The following POLR3E variants were observed in gnomAD, a reference collection of about 807,000 sequenced individuals.
POLR3E encodes DNA-directed RNA polymerase III subunit RPC5.
In POLR3E, 41 loss-of-function variants were observed where a neutral mutation model predicts 96.6. The ratio of observed to expected loss-of-function variants is 0.42; its 90% CI spans 0.33 to 0.55. The LOEUF is 0.55. Among genes scored for constraint, POLR3E ranks in the 20% least tolerant of loss-of-function variants. The probability of loss-of-function intolerance (pLI) is 0.06; values close to 1 mark genes in which losing one functional copy is unlikely to be tolerated. For missense variants in POLR3E, 849 were observed against 952.1 expected (o/e 0.89, Z 1.43); for synonymous variants, 396 against 383.6 (o/e 1.03, Z -0.38).
At position 22,315,069 on chromosome 16, in the gene POLR3E, TCTTCCCCTTCCCACCGCAGGTG is replaced by T; in HGVS notation, c.523-18_526del. ...GGGTCACAGGCCTGACGGTATGACCTCTTCCCCTTCCCACCGCAGGTGCGGTTCTCCCGGCCGGAGTCAGAGC... is the reference window on the plus strand; with the variant it reads ...GGGTCACAGGCCTGACGGTATGACCTCGGTTCTCCCGGCCGGAGTCAGAGC... On this transcript the variant is annotated splice_acceptor_variant and splice_polypyrimidine_tract_variant and coding_sequence_variant and intron_variant, in exon 9 of 21. Transcript: ENST00000299853. LOFTEE classifies it high-confidence loss of function. 6.2e-7 allele frequency: 1 copy of T among 1,612,028 alleles called. No homozygotes were observed. Among genetic ancestry groups the T allele is most frequent in the Non-Finnish European group, 8.5e-7 (1 of 1,179,564 alleles).
intron 19 of POLR3E, 76 bp downstream of exon 19, chr16:22,328,663 G>A (rs2048664724): frequency 2.5e-6 from 3 of 1,186,658 alleles, no homozygotes; most frequent in Admixed American, 1.7e-5. Context: ...TGGGGGACAT[G>A]TGCACCCAAA....
chr16:22,328,919 A>C (rs2048671789), intron 19 of POLR3E: 1 of 314,028 alleles, frequency 3.2e-6, no homozygotes, highest in African/African-American at 2.2e-5. Context: ...TGAGGTTGGG[A>C]GTTTGACACC....
intron 1 of POLR3E, among the ~76,000 whole-genome samples, chr16:22,300,447 G>A (rs1020607302): frequency 3.3e-5 from 5 of 152,218 alleles, no homozygotes; most frequent in Non-Finnish European, 5.9e-5. Flanking sequence ...GGGCACCTCA[G>A]CCTCCCTGAT....
chr16:22,326,437 A>C, intron 18 of POLR3E, 159 bp downstream of exon 18: 2 of 671,616 alleles, frequency 3.0e-6, no homozygotes, highest in East Asian at 5.4e-5. Context: ...CTGAGGCTCT[A>C]TTCTCATGAA....
chr16:22,332,036 C>T, intron 19 of POLR3E, 24 bp from the exon 20 acceptor site: 1 of 1,610,636 alleles, frequency 6.2e-7, no homozygotes, highest in Non-Finnish European at 8.5e-7. Context: ...TGTTTCCCAT[C>T]ATAACGTGTT....
intron 14 of POLR3E, 97 bp downstream of exon 14, chr16:22,323,028 A>G (rs1598267479): frequency 1.3e-6 from 1 of 780,018 alleles, no homozygotes; most frequent in Non-Finnish European, 2.2e-6. Flanking sequence ...CAGAGGCTCC[A>G]GGTGGAGGCG....
At chr16:22,302,188 C>T (rs1445137555) in intron 1 of POLR3E, among the ~76,000 whole-genome samples, 1 of 152,114 alleles carries the variant, frequency 6.6e-6, no homozygotes, top group African/African-American at 2.4e-5. Flanking sequence ...TGCCTCCTCC[C>T]CAGCAGAAAG....
intron 12 of POLR3E, 22 bp downstream of exon 12, chr16:22,317,228 A>C (rs1378509237): frequency 1.9e-6 from 3 of 1,581,994 alleles, no homozygotes; most frequent in Non-Finnish European, 2.6e-6. Flanking sequence ...CCCCCTGCCC[A>C]CCCGGGGGCC....
chr16:22,304,939 C>G (rs1253153512), intron 2 of POLR3E, among the ~76,000 whole-genome samples: 1 of 152,144 alleles, frequency 6.6e-6, no homozygotes, highest in Non-Finnish European at 1.5e-5. Flanking sequence ...TGAACTCTTG[C>G]CCTGGTTCCC....
At chr16:22,316,741 G>T in intron 10 of POLR3E, 55 bp downstream of exon 10, 2 of 1,389,396 alleles carry the variant, frequency 1.4e-6, no homozygotes, top group Admixed American at 1.7e-5. Flanking sequence ...GTCCCCAGGG[G>T]TCCTTGGTGT....
At chr16:22,315,067 C>T in intron 8 of POLR3E, 22 bp from the exon 9 acceptor site, 4 of 1,611,606 alleles carry the variant, frequency 2.5e-6, no homozygotes, top group Non-Finnish European at 3.4e-6. Context: ...GACGGTATGA[C>T]CTCTTCCCCT....
intron 1 of POLR3E, chr16:22,298,928 A>G (rs2047963856): frequency 2.2e-6 from 1 of 455,120 alleles, no homozygotes; most frequent in Non-Finnish European, 4.4e-6. Flanking sequence ...TGATGAAGTA[A>G]AGTATGATTG....
At chr16:22,329,290 G>A (rs1363322025) in intron 19 of POLR3E, among the ~76,000 whole-genome samples, 1 of 152,100 alleles carries the variant, frequency 6.6e-6, no homozygotes, top group Admixed American at 6.6e-5. Flanking sequence ...TGGACTTTTA[G>A]GTTAAAGAAA....
chr16:22,330,330 C>T (rs1567333839), intron 19 of POLR3E, among the ~76,000 whole-genome samples: 2 of 152,204 alleles, frequency 1.3e-5, no homozygotes, highest in South Asian at 2.1e-4. Context: ...AATGATCTGC[C>T]TGCCTTGGCC....
chr16:22,304,174 C>G (rs572520509), intron 2 of POLR3E, among the ~76,000 whole-genome samples: 4 of 152,178 alleles, frequency 2.6e-5, no homozygotes, highest in African/African-American at 9.6e-5. Flanking sequence ...CCTTTTAACC[C>G]AGGACTTAGA....
At position 22,332,566 on chromosome 16, in the gene POLR3E, C is replaced by T. The variant is rs575107746; in HGVS notation, c.2070+381C>T. On this transcript the variant is annotated intron_variant, in intron 20 of 20. Coordinates refer to ENST00000299853, the MANE Select transcript of POLR3E (RefSeq NM_018119.4). ...CTGCTAAGAGCCTAAAACAATAGAA[C>T]AACAAAAAAATATGGTAGGTTGGAT... Among the ~76,000 whole-genome samples the T allele has an allele frequency of 1.4e-3, 211 of 151,952 alleles. 1 individual carries two copies. Among genetic ancestry groups the T allele is most frequent in the Non-Finnish European group, 2.7e-3 (184 of 67,912 alleles).
intron 6 of POLR3E, chr16:22,310,209 A>C (rs1465295943): frequency 2.6e-5 from 4 of 152,720 alleles, no homozygotes; most frequent in Non-Finnish European, 4.4e-5. Flanking sequence ...TGGCTTACCT[A>C]GTGATGTCTT....
chr16:22,317,157 G>C lies in POLR3E; in HGVS notation c.816G>C (p.Gln272His), dbSNP rs777407366. ...VAPSNVLSMA[Q>H]LRTLPLADQI... ...CCAGCAACGTCCTGTCGATGGCCCA[G>C]CTGCGCACGCTGCCCCTGGCCGATC... Residue 272 changes from glutamine (Q) to histidine (H), a missense_variant, in exon 12 of 21, where the codon CAG becomes CAC. Coordinates refer to ENST00000299853, the MANE Select transcript of POLR3E (RefSeq NM_018119.4). 4 of 1,614,004 alleles carry C rather than the reference G, an allele frequency of 2.5e-6. No homozygotes were observed. The East Asian group carries it at 8.9e-5, about 36-fold the overall frequency.
intron 13 of POLR3E, among the ~76,000 whole-genome samples, chr16:22,321,172 G>T (rs185800420): frequency 6.6e-6 from 1 of 152,100 alleles, no homozygotes; most frequent in African/African-American, 2.4e-5. Flanking sequence ...CCCAGTACCC[G>T]GAATAATGCC....
Sources: gnomAD v4.1 joint callset for allele counts (sites outside exome capture counted in the v4.1 genomes callset) on GRCh38, gnomAD v4.1.1 for gene constraint, MANE v1.5 for transcripts, NCBI Gene and HGNC (gene_info 2026-07-23, HGNC 2026-07-21) for gene names.